The following MMP16 variants were observed in gnomAD, a reference collection of about 807,000 sequenced individuals.
The protein encoded by MMP16 is matrix metallopeptidase 16.
A neutral mutation model predicts 67.8 loss-of-function variants in MMP16; 12 were observed. The observed-to-expected ratio is 0.18, with a 90% CI of 0.11 to 0.29. The LOEUF is 0.29. Ranked by LOEUF, MMP16 falls within the 10% of genes least tolerant of loss-of-function variation. MMP16 has a pLI of 1.00. For missense variants in MMP16, 475 were observed against 765.7 expected, an observed-to-expected ratio of 0.62 and a Z score of 4.48; for synonymous variants, 249 against 255.9, an observed-to-expected ratio of 0.97 and a Z score of 0.26.
At chr8:88,234,903 T>C (rs1809916701) in intron 1 of MMP16, among the ~76,000 whole-genome samples, 1 of 152,190 alleles carries the variant, frequency 6.6e-6, no homozygotes. Flanking sequence ...TGTGGGTAAA[T>C]GTATTTTACT....
At chr8:88,227,349 G>A (rs559320868) in intron 1 of MMP16, among the ~76,000 whole-genome samples, 3 of 152,076 alleles carry the variant, frequency 2.0e-5, no homozygotes, top group South Asian at 2.1e-4. Context: ...AAGAAGGAAC[G>A]TCTGTGATTA....
chr8:88,074,190 A>G (rs573354597), intron 7 of MMP16, among the ~76,000 whole-genome samples: 2 of 152,306 alleles, frequency 1.3e-5, no homozygotes, highest in South Asian at 4.1e-4. Flanking sequence ...ACTAGAATCT[A>G]TTTACATAAA....
At chr8:88,102,061 A>T (rs1809154005) in intron 6 of MMP16, among the ~76,000 whole-genome samples, 2 of 152,008 alleles carry the variant, frequency 1.3e-5, no homozygotes, top group South Asian at 2.1e-4. Flanking sequence ...TTCTGCTCTC[A>T]TATCAACACA....
chr8:88,196,778 C>T (rs369194434), intron 2 of MMP16, among the ~76,000 whole-genome samples: 4 of 151,460 alleles, frequency 2.6e-5, no homozygotes, highest in African/African-American at 4.9e-5. Context: ...CAATTTCAAG[C>T]TCCTAATATG....
chr8:88,327,048 G>C (rs374375444), intron 1 of MMP16, 27 bp downstream of exon 1: 1 of 1,612,938 alleles, frequency 6.2e-7, no homozygotes, highest in African/African-American at 1.3e-5. Flanking sequence ...GGCAGCGGGG[G>C]GAGGAAGAAA....
chr8:88,253,048 T>A (rs1239672252), intron 1 of MMP16, among the ~76,000 whole-genome samples: 1 of 152,124 alleles, frequency 6.6e-6, no homozygotes, highest in Non-Finnish European at 1.5e-5. Context: ...CTCTCTTAAT[T>A]AAAATTCTAT....
chr8:88,092,134 A>AT (rs1171961998), intron 6 of MMP16, among the ~76,000 whole-genome samples: 2 of 151,878 alleles, frequency 1.3e-5, no homozygotes, highest in African/African-American at 4.8e-5. Context: ...GTAACTACTG[A>AT]TAAAAAATTT....
intron 1 of MMP16, among the ~76,000 whole-genome samples, chr8:88,261,156 C>A (rs62524505): frequency 6.6e-6 from 1 of 152,100 alleles, no homozygotes; most frequent in Non-Finnish European, 1.5e-5. Context: ...CATACTGATT[C>A]TAATTTAATC....
chr8:88,265,620 TTA>T (rs1810465192), intron 1 of MMP16, among the ~76,000 whole-genome samples: 1 of 152,192 alleles, frequency 6.6e-6, no homozygotes, highest in African/African-American at 2.4e-5. Context: ...TAATCTGTGA[TTA>T]TGTTTCCAGC....
In MMP16 at chr8:88,305,698, A is replaced by G. The variant is rs184988175; in HGVS notation, c.132+21377T>C. 5.3e-5 allele frequency among the ~76,000 whole-genome samples: 8 copies of G among 152,306 alleles called. No individual in the cohort carries two copies. In the East Asian group the frequency reaches 1.5e-3, roughly 29 times the overall value. ...GCTCCTGAATGACTTTGGGGTAAAT[A>G]ACGAAATTAAGGGAGAAATCAAGAA... On this transcript the variant is annotated intron_variant, in intron 1 of 9. Transcript: ENST00000286614.
chr8:88,084,324 C>T (rs1343673041), intron 6 of MMP16, among the ~76,000 whole-genome samples: 1 of 151,830 alleles, frequency 6.6e-6, no homozygotes, highest in Non-Finnish European at 1.5e-5. Flanking sequence ...TTTTGTTAGG[C>T]CAAATCTAAT....
chr8:88,045,160 G>A (rs1343218861), intron 9 of MMP16, among the ~76,000 whole-genome samples: 1 of 152,046 alleles, frequency 6.6e-6, no homozygotes, highest in African/African-American at 2.4e-5. Flanking sequence ...GGTTCTTTTT[G>A]ACTTTGCCTC....
In MMP16 at chr8:88,232,793, G is replaced by C. The variant is rs147853448; in HGVS notation, c.133-35487C>G. On this transcript the variant is annotated intron_variant, in intron 1 of 9. Coordinates refer to ENST00000286614, the MANE Select transcript of MMP16 (RefSeq NM_005941.5). ...TTCAATGTAAGGTGACAATTTTTTT[G>C]AGTAACAGCTATATTTAGCAACCAG... is the stretch of plus-strand genomic sequence containing the variant. Among the ~76,000 whole-genome samples, 239 of 152,186 alleles carry C rather than the reference G, an allele frequency of 1.6e-3. 1 individual carries two copies. The highest frequency in any genetic ancestry group is 2.8e-3 in the Non-Finnish European group (188 of 68,002).
At chr8:88,268,577 T>C (rs575715480) in intron 1 of MMP16, among the ~76,000 whole-genome samples, 98 of 152,298 alleles carry the variant, frequency 6.4e-4, no homozygotes, top group Middle Eastern at 3.4e-3. Context: ...ACAGAGGTTT[T>C]CTGGTTAAAA....
chr8:88,203,440 T>G (rs2129797384), intron 1 of MMP16, among the ~76,000 whole-genome samples: 2 of 152,188 alleles, frequency 1.3e-5, no homozygotes, highest in Middle Eastern at 6.8e-3. Context: ...CATCCACACA[T>G]GCATGCATGA....
chr8:88,133,673 A>T (rs914926889), intron 4 of MMP16, among the ~76,000 whole-genome samples: 1 of 151,820 alleles, frequency 6.6e-6, no homozygotes, highest in Admixed American at 6.6e-5. Flanking sequence ...TTTTGACAAA[A>T]AAAATTAGAG....
rs1435093289 is a variant in MMP16 at position 88,041,432 on chromosome 8, A to AAAAG, written c.*25_*28dup. 6.3e-7 allele frequency: 1 copy of AAAAG among 1,584,342 alleles called. No homozygotes were observed. Among genetic ancestry groups the AAAAG allele is most frequent in the African/African-American group, 1.4e-5 (1 of 73,982 alleles). ...ATCTCAAGTTACCACAAACTCCTGCAAAAGAAAGAAAGAAGAAAAAACCCT... is the reference window on the plus strand; with the variant it reads ...ATCTCAAGTTACCACAAACTCCTGCAAAAGAAAGAAAGAAAGAAGAAAAAACCCT... On this transcript the variant is annotated 3_prime_UTR_variant, in exon 10 of 10. Coordinates refer to ENST00000286614, the MANE Select transcript of MMP16 (RefSeq NM_005941.5). This position sits in a 1 kb window ranked among gnomAD's most constrained non-coding sequence, Gnocchi z 6.0.
At chr8:88,248,948 TCTTA>T (rs952920410) in intron 1 of MMP16, among the ~76,000 whole-genome samples, 4 of 152,010 alleles carry the variant, frequency 2.6e-5, no homozygotes, top group Admixed American at 6.6e-5. Context: ...AGAGAAAATC[TCTTA>T]CTTAATTTCT....
At chr8:88,060,976 A>G (rs777646452) in intron 7 of MMP16, among the ~76,000 whole-genome samples, 2 of 151,282 alleles carry the variant, frequency 1.3e-5, no homozygotes, top group Admixed American at 1.3e-4. Flanking sequence ...GAAAAATTTT[A>G]CAACCACTAG....
Sources: gnomAD v4.1 joint callset for allele counts (sites outside exome capture counted in the v4.1 genomes callset) on GRCh38, gnomAD v4.1.1 for gene constraint, Gnocchi (gnomAD v3.1) non-coding constraint, MANE v1.5 for transcripts, NCBI Gene and HGNC (gene_info 2026-07-23, HGNC 2026-07-21) for gene names.